C1orf21: variants seen among roughly 807,000 people sequenced by gnomAD.
C1orf21 encodes the protein chromosome 1 open reading frame 21.
In C1orf21, 3 loss-of-function variants were observed where a neutral mutation model predicts 18.7. The ratio of observed to expected loss-of-function variants is 0.16; its 90% CI spans 0.07 to 0.42. C1orf21 has a LOEUF of 0.42. Ranked by LOEUF, C1orf21 falls within the 10% of genes least tolerant of loss-of-function variation. The pLI is 0.99. For missense variants in C1orf21, 104 were observed against 143.6 expected (o/e 0.72, Z 1.41); for synonymous variants, 41 against 46.4 (o/e 0.88, Z 0.47).
intron 1 of C1orf21, among the ~76,000 whole-genome samples, chr1:184,447,962 G>A (rs903054808): frequency 3.3e-5 from 5 of 152,080 alleles, no homozygotes; most frequent in Admixed American, 2.0e-4. Context: ...ACAGCATGAC[G>A]TATTTGTCAA....
chr1:184,488,287 T>C (rs981526633), intron 2 of C1orf21, among the ~76,000 whole-genome samples: 1 of 152,230 alleles, frequency 6.6e-6, no homozygotes, highest in East Asian at 1.9e-4. Context: ...TTATGCCTCA[T>C]TTCTTTCAAA....
chr1:184,387,642 A>T lies in C1orf21; in HGVS notation c.-125+274A>T, dbSNP rs1655908301. ...TGCCGGCCTGGGCGGAGGGGCTGGG[A>T]TGTGGTCGGGGCTGCTGACGACTTT... On this transcript the variant is annotated intron_variant, in intron 1 of 5. Coordinates refer to ENST00000235307, the MANE Select transcript of C1orf21 (RefSeq NM_030806.4). The surrounding 1 kb of genome is among the most constrained non-coding windows in gnomAD (Gnocchi z 5.6). Among the ~76,000 whole-genome samples, 1 of 151,936 alleles carries T rather than the reference A, an allele frequency of 6.6e-6. No individual in the cohort carries two copies. Among genetic ancestry groups the T allele is most frequent in the South Asian group, 2.1e-4 (1 of 4,830 alleles).
intron 3 of C1orf21, among the ~76,000 whole-genome samples, chr1:184,535,198 G>C (rs1279567393): frequency 6.6e-6 from 1 of 152,154 alleles, no homozygotes; most frequent in Non-Finnish European, 1.5e-5. Flanking sequence ...TGTCATTTCT[G>C]CTAGTAGTAA....
chr1:184,475,341 C>G (rs535055065), intron 1 of C1orf21, among the ~76,000 whole-genome samples: 4 of 152,048 alleles, frequency 2.6e-5, no homozygotes, highest in South Asian at 2.1e-4. Flanking sequence ...TCAGCCCTGC[C>G]CCCCCATCCC....
At chr1:184,466,188 C>G (rs888663840) in intron 1 of C1orf21, among the ~76,000 whole-genome samples, 3 of 152,134 alleles carry the variant, frequency 2.0e-5, no homozygotes, top group African/African-American at 7.2e-5. Flanking sequence ...CGTATGTGTT[C>G]TTTAATAGTG....
chr1:184,390,973 T>A (rs1184155140), intron 1 of C1orf21, among the ~76,000 whole-genome samples: 1 of 152,216 alleles, frequency 6.6e-6, no homozygotes, highest in East Asian at 1.9e-4. Flanking sequence ...AACTATATTT[T>A]AAATAATGGT....
chr1:184,414,860 T>C (rs746766610), intron 1 of C1orf21, among the ~76,000 whole-genome samples: 3 of 152,184 alleles, frequency 2.0e-5, no homozygotes, highest in Non-Finnish European at 2.9e-5. Context: ...TTGGCCACCT[T>C]TAGGTCAATT....
At chr1:184,420,590 C>CCTTA (rs1160554838) in intron 1 of C1orf21, among the ~76,000 whole-genome samples, 1 of 152,008 alleles carries the variant, frequency 6.6e-6, no homozygotes, top group African/African-American at 2.4e-5. Context: ...GGTAGGCTTG[C>CCTTA]CTTACTATGA....
Position 184,461,757 on chromosome 1 carries a change from A to G in C1orf21, c.-124-15629A>G, listed in dbSNP as rs1657310006. On this transcript the variant is annotated intron_variant, in intron 1 of 5. Transcript: ENST00000235307. ...GGAAAACAAATGATCATGTCACCCT[A>G]TAGAGAATTTCGCTTTCCCTTTGAC... 2.0e-5 allele frequency among the ~76,000 whole-genome samples: 3 copies of G among 152,254 alleles called. No homozygotes were observed. In the South Asian group the frequency reaches 6.2e-4, roughly 32 times the overall value.
chr1:184,527,199 G>A (rs1658390194), intron 3 of C1orf21, among the ~76,000 whole-genome samples: 2 of 152,098 alleles, frequency 1.3e-5, no homozygotes, highest in South Asian at 2.1e-4. Context: ...GTGAGTCTTG[G>A]GAATATCCTC....
At chr1:184,420,350 A>G (rs2101966316) in intron 1 of C1orf21, among the ~76,000 whole-genome samples, 1 of 152,210 alleles carries the variant, frequency 6.6e-6, no homozygotes, top group South Asian at 2.1e-4. Flanking sequence ...TGGATTATTC[A>G]CGTAAGACAT....
chr1:184,500,289 T>C (rs1298555875), intron 2 of C1orf21, among the ~76,000 whole-genome samples: 2 of 152,280 alleles, frequency 1.3e-5, no homozygotes, highest in South Asian at 2.1e-4. Flanking sequence ...AGTTCCTTGG[T>C]CACTGAATAA....
At position 184,476,821 on chromosome 1, in the gene C1orf21, A is replaced by G. The variant is rs562405692; in HGVS notation, c.-124-565A>G. ...TTTGTCTCCAAAACAGTGTCACCTC[A>G]GGTAAAATAAAATACTGAATTATTT... On this transcript the variant is annotated intron_variant, in intron 1 of 5. Transcript: ENST00000235307. Among the ~76,000 whole-genome samples the G allele has an allele frequency of 4.7e-4, 72 of 152,330 alleles. 1 individual carries two copies. The highest frequency in any genetic ancestry group is 1.5e-3 in the African/African-American group (63 of 41,580).
chr1:184,475,229 G>C (rs919185140), intron 1 of C1orf21, among the ~76,000 whole-genome samples: 2 of 152,090 alleles, frequency 1.3e-5, no homozygotes, highest in African/African-American at 4.8e-5. Context: ...CTCTAACTTG[G>C]ATCAGAAAGA....
intron 2 of C1orf21, among the ~76,000 whole-genome samples, chr1:184,503,934 C>T (rs1009235961): frequency 3.9e-5 from 6 of 152,070 alleles, no homozygotes; most frequent in Non-Finnish European, 5.9e-5. Context: ...GCAGGAAAAA[C>T]GGCAGAAACA....
chr1:184,576,647 A>G (rs1659193011), intron 3 of C1orf21, among the ~76,000 whole-genome samples: 1 of 152,194 alleles, frequency 6.6e-6, no homozygotes, highest in African/African-American at 2.4e-5. Context: ...GTCACAGTCT[A>G]TGGCAATGCT....
intron 5 of C1orf21, among the ~76,000 whole-genome samples, chr1:184,603,752 C>T (rs372566644): frequency 6.6e-4 from 101 of 152,268 alleles, no homozygotes; most frequent in South Asian, 3.7e-3. Context: ...GCAGAGACCA[C>T]GCCACTGCCC....
chr1:184,582,429 G>T (rs574113987), intron 3 of C1orf21, among the ~76,000 whole-genome samples: 1 of 152,302 alleles, frequency 6.6e-6, no homozygotes, highest in East Asian at 1.9e-4. Flanking sequence ...CTGTGTGCAG[G>T]GCACACCCTT....
At chr1:184,572,091 G>A (rs984874645) in intron 3 of C1orf21, among the ~76,000 whole-genome samples, 6 of 152,182 alleles carry the variant, frequency 3.9e-5, no homozygotes, top group African/African-American at 1.4e-4. Flanking sequence ...GCCTTAGTCA[G>A]GTGTCTGGCT....
Sources: allele counts gnomAD v4.1 joint callset (sites outside exome capture counted in the v4.1 genomes callset), GRCh38; gene constraint gnomAD v4.1.1; non-coding constraint Gnocchi (gnomAD v3.1); transcripts MANE v1.5; gene names NCBI Gene and HGNC (gene_info 2026-07-23, HGNC 2026-07-21).